The following MARCHF4 variants were observed in gnomAD, a reference collection of about 807,000 sequenced individuals.
MARCHF4 encodes the protein E3 ubiquitin-protein ligase MARCHF4.
Under a neutral mutation model 43.9 loss-of-function variants are expected in MARCHF4, and 14 were observed. The ratio of observed to expected loss-of-function variants is 0.32; its 90% confidence interval spans 0.21 to 0.50. The LOEUF (loss-of-function observed/expected upper bound fraction) is 0.50, where lower values mean the gene tolerates loss of function less well. Among genes scored for constraint, MARCHF4 ranks in the 20% least tolerant of loss-of-function variants. MARCHF4 has a pLI of 0.98. For synonymous variants in MARCHF4, 226 were observed against 213.3 expected, an observed-to-expected ratio of 1.06 and a Z score of -0.52; for missense variants, 468 against 536.7, an observed-to-expected ratio of 0.87 and a Z score of 1.27.
chr2:216,281,825 T>A (rs1183039183), intron 2 of MARCHF4, among the ~76,000 whole-genome samples: 1 of 152,094 alleles, frequency 6.6e-6, no homozygotes, highest in Non-Finnish European at 1.5e-5. Context: ...CAGGAATATA[T>A]CCATATGGAT....
chr2:216,294,658 T>C (rs1307630496), intron 1 of MARCHF4, among the ~76,000 whole-genome samples: 1 of 152,184 alleles, frequency 6.6e-6, no homozygotes, highest in Non-Finnish European at 1.5e-5. Context: ...TTGTTACGCA[T>C]TCAGAAGCTC....
intron 3 of MARCHF4, among the ~76,000 whole-genome samples, chr2:216,276,666 A>G (rs1486373999): frequency 6.6e-6 from 1 of 152,244 alleles, no homozygotes; most frequent in African/African-American, 2.4e-5. Flanking sequence ...AGAGAAGTGT[A>G]GCTTATTTAA....
intron 3 of MARCHF4, among the ~76,000 whole-genome samples, chr2:216,272,904 G>A (rs1381686630): frequency 6.6e-6 from 1 of 152,254 alleles, no homozygotes; most frequent in Non-Finnish European, 1.5e-5. Context: ...GTATCAAATA[G>A]GGAGCTCAGA....
chr2:216,285,577 C>T (rs1055171174), intron 1 of MARCHF4, among the ~76,000 whole-genome samples: 3 of 152,234 alleles, frequency 2.0e-5, no homozygotes, highest in Non-Finnish European at 4.4e-5. Flanking sequence ...AGTTTTGCTT[C>T]TCTAGGACAT....
chr2:216,261,274 G>T (rs1690739640), intron 3 of MARCHF4, among the ~76,000 whole-genome samples: 1 of 152,132 alleles, frequency 6.6e-6, no homozygotes, highest in Non-Finnish European at 1.5e-5. Flanking sequence ...AGGCTTTGAG[G>T]GGGAAGAATC....
chr2:216,302,482 C>A (rs936168779), intron 1 of MARCHF4, among the ~76,000 whole-genome samples: 5 of 151,664 alleles, frequency 3.3e-5, no homozygotes, highest in Admixed American at 6.6e-5. Flanking sequence ...CCCGCCTCTG[C>A]CTCCCAAAGT....
intron 1 of MARCHF4, among the ~76,000 whole-genome samples, chr2:216,305,797 C>T (rs948095711): frequency 3.3e-5 from 5 of 152,160 alleles, no homozygotes; most frequent in Admixed American, 2.6e-4. Flanking sequence ...AAATCAAGGG[C>T]TGATTGTCCT....
chr2:216,295,154 C>A (rs1220494858), intron 1 of MARCHF4, among the ~76,000 whole-genome samples: 1 of 152,154 alleles, frequency 6.6e-6, no homozygotes, highest in African/African-American at 2.4e-5. Flanking sequence ...TCCTTGCTGA[C>A]CTGTAGTGAG....
intron 3 of MARCHF4, among the ~76,000 whole-genome samples, chr2:216,268,917 A>G (rs1690890023): frequency 6.6e-6 from 1 of 152,202 alleles, no homozygotes; most frequent in African/African-American, 2.4e-5. Context: ...TGCTGCCCCC[A>G]TCCTCTGCCT....
intron 1 of MARCHF4, among the ~76,000 whole-genome samples, chr2:216,362,001 G>C (rs1037913364): frequency 2.1e-4 from 32 of 152,182 alleles, no homozygotes; most frequent in Non-Finnish European, 2.9e-5. Flanking sequence ...ATAAAATCTA[G>C]GTCCAGGGAG....
chr2:216,322,921 T>C (rs1381697503), intron 1 of MARCHF4, among the ~76,000 whole-genome samples: 1 of 152,234 alleles, frequency 6.6e-6, no homozygotes, highest in African/African-American at 2.4e-5. Flanking sequence ...TAAGATGTCC[T>C]GTTAGAAAAC....
intron 1 of MARCHF4, among the ~76,000 whole-genome samples, chr2:216,316,580 C>G (rs1379396300): frequency 6.6e-6 from 1 of 152,022 alleles, no homozygotes; most frequent in Non-Finnish European, 1.5e-5. Context: ...GGTGCGGGGA[C>G]AGGGTCAGAA....
At chr2:216,323,451 C>T (rs1051775011) in intron 1 of MARCHF4, among the ~76,000 whole-genome samples, 9 of 152,158 alleles carry the variant, frequency 5.9e-5, no homozygotes, top group African/African-American at 1.2e-4. Flanking sequence ...CTCAGCTCTG[C>T]GCCAAGCAGA....
At chr2:216,364,277 G>T (rs1692632048) in intron 1 of MARCHF4, among the ~76,000 whole-genome samples, 1 of 151,970 alleles carries the variant, frequency 6.6e-6, no homozygotes, top group South Asian at 2.1e-4. Flanking sequence ...TCCAGAGGTT[G>T]TCCTTTCAAG....
intron 1 of MARCHF4, among the ~76,000 whole-genome samples, chr2:216,347,594 G>A (rs1215718373): frequency 2.0e-5 from 3 of 152,056 alleles, no homozygotes; most frequent in Non-Finnish European, 2.9e-5. Flanking sequence ...CGGGCGTGGT[G>A]GTGGGCGCCT....
At chr2:216,277,525 C>T in intron 3 of MARCHF4, 147 bp downstream of exon 3, 1 of 756,106 alleles carries the variant, frequency 1.3e-6, no homozygotes, top group Non-Finnish European at 2.1e-6. Context: ...CCCTTGAATC[C>T]AAGCCTCTGG....
At chr2:216,317,458 G>T (rs1433981126) in intron 1 of MARCHF4, among the ~76,000 whole-genome samples, 2 of 152,126 alleles carry the variant, frequency 1.3e-5, no homozygotes, top group African/African-American at 4.8e-5. Context: ...CTGTCGCCCA[G>T]GCTGGAGTGC....
chr2:216,295,808 G>T (rs939665294), intron 1 of MARCHF4, among the ~76,000 whole-genome samples: 1 of 152,210 alleles, frequency 6.6e-6, no homozygotes, highest in African/African-American at 2.4e-5. Context: ...GTTGTCTCCA[G>T]GTGTGGCTAA....
At chr2:216,280,209 T>A (rs1691105813) in intron 2 of MARCHF4, among the ~76,000 whole-genome samples, 1 of 151,762 alleles carries the variant, frequency 6.6e-6, no homozygotes, top group Non-Finnish European at 1.5e-5. Context: ...ACAGGAGGGC[T>A]GGGAGGGGGA....
Sources: allele counts gnomAD v4.1 joint callset (sites outside exome capture counted in the v4.1 genomes callset), GRCh38; gene constraint gnomAD v4.1.1; transcripts MANE v1.5; gene names NCBI Gene and HGNC (gene_info 2026-07-23, HGNC 2026-07-21).